Variants in IGF1R observed in about 807,000 individuals in gnomAD.
The protein encoded by IGF1R is insulin-like growth factor 1 receptor.
IGF1R carries 44 observed loss-of-function variants against 144.6 expected under a neutral mutation model. The ratio of observed to expected loss-of-function variants is 0.30; its 90% CI spans 0.24 to 0.39. IGF1R has a LOEUF of 0.39. Ranked by LOEUF, IGF1R falls within the 10% of genes least tolerant of loss-of-function variation. The pLI is 1.00. For missense variants in IGF1R, 1,355 were observed against 1,833.7 expected (o/e 0.74, Z 4.77); for synonymous variants, 795 against 722.8 (o/e 1.10, Z -1.60).
At chr15:98,701,208 A>T (rs189435698) in intron 1 of IGF1R, among the ~76,000 whole-genome samples, 78 of 152,106 alleles carry the variant, frequency 5.1e-4, no homozygotes, top group Admixed American at 2.4e-3. Flanking sequence ...GTTAAAGATG[A>T]TGATTGGTTC....
chr15:98,735,742 A>C (rs568112366), intron 2 of IGF1R, among the ~76,000 whole-genome samples: 1 of 152,256 alleles, frequency 6.6e-6, no homozygotes, highest in Non-Finnish European at 1.5e-5. Context: ...GAGCTACTTC[A>C]AAGAGCAAAC....
intron 2 of IGF1R, among the ~76,000 whole-genome samples, chr15:98,829,457 GACAA>G (rs1272010498): frequency 6.6e-6 from 1 of 152,160 alleles, no homozygotes. Flanking sequence ...GGGTTCAGAT[GACAA>G]ACAAGGAGTC....
intron 2 of IGF1R, among the ~76,000 whole-genome samples, chr15:98,758,036 C>T (rs1390582419): frequency 1.3e-5 from 2 of 152,104 alleles, no homozygotes; most frequent in African/African-American, 2.4e-5. Flanking sequence ...CAATTTCTGC[C>T]GTTCCCATGA....
chr15:98,829,883 C>T (rs1596338668), intron 2 of IGF1R, among the ~76,000 whole-genome samples: 1 of 152,280 alleles, frequency 6.6e-6, no homozygotes, highest in Admixed American at 6.5e-5. Context: ...CCTTGTTTTT[C>T]ATTGTAAAAC....
At chr15:98,836,728 A>C (rs1196392280) in intron 2 of IGF1R, among the ~76,000 whole-genome samples, 2 of 152,150 alleles carry the variant, frequency 1.3e-5, no homozygotes, top group Admixed American at 1.3e-4. Context: ...TACTATATCT[A>C]GTCTTCTCCA....
At chr15:98,679,792 G>GGA (rs1372473496) in intron 1 of IGF1R, among the ~76,000 whole-genome samples, 1 of 152,178 alleles carries the variant, frequency 6.6e-6, no homozygotes, top group African/African-American at 2.4e-5. Flanking sequence ...TGTGATCATA[G>GGA]GAGCTGATGG....
chr15:98,730,224 T>C (rs545774120), intron 2 of IGF1R, among the ~76,000 whole-genome samples: 30 of 151,862 alleles, frequency 2.0e-4, no homozygotes, highest in African/African-American at 6.8e-4. Context: ...ACTACATCTG[T>C]GATTTTCAAT....
At chr15:98,914,590 A>C (rs766139578) in intron 8 of IGF1R, among the ~76,000 whole-genome samples, 67 of 152,316 alleles carry the variant, frequency 4.4e-4, no homozygotes, top group East Asian at 1.2e-3. Flanking sequence ...AGTGCAACAG[A>C]AGAAGTTTTT....
At chr15:98,890,301 G>A in intron 2 of IGF1R, 1 of 152,218 alleles carries the variant, frequency 6.6e-6, no homozygotes, top group East Asian at 1.9e-4. Context: ...TAAAGACCTT[G>A]CTGATCTAGC....
chr15:98,796,676 A>G (rs1404485803), intron 2 of IGF1R, among the ~76,000 whole-genome samples: 6 of 152,162 alleles, frequency 3.9e-5, no homozygotes, highest in Non-Finnish European at 7.3e-5. Flanking sequence ...CTTATTTTCT[A>G]ACATATGACT....
chr15:98,741,212 T>C (rs985402784), intron 2 of IGF1R, among the ~76,000 whole-genome samples: 10 of 150,730 alleles, frequency 6.6e-5, no homozygotes, highest in Admixed American at 4.6e-4. Flanking sequence ...TCTGTTGATA[T>C]GGCTTTATAT....
intron 1 of IGF1R, among the ~76,000 whole-genome samples, chr15:98,666,677 G>A (rs1030110152): frequency 2.0e-5 from 3 of 152,190 alleles, no homozygotes; most frequent in African/African-American, 4.8e-5. Context: ...CGTGAGCTAT[G>A]TAGAGTAGTC....
At chr15:98,776,433 G>A (rs980172923) in intron 2 of IGF1R, among the ~76,000 whole-genome samples, 2 of 152,112 alleles carry the variant, frequency 1.3e-5, no homozygotes, top group African/African-American at 2.4e-5. Context: ...TGATCCACGC[G>A]CCTTGGCCTC....
At chr15:98,903,714 G>A (rs538353748) in intron 5 of IGF1R, among the ~76,000 whole-genome samples, 1 of 152,336 alleles carries the variant, frequency 6.6e-6, no homozygotes, top group South Asian at 2.1e-4. Context: ...TAAATGAAAT[G>A]TGGCACAAAG....
intron 2 of IGF1R, among the ~76,000 whole-genome samples, chr15:98,847,009 C>G (rs2141546717): frequency 6.6e-6 from 1 of 152,254 alleles, no homozygotes; most frequent in South Asian, 2.1e-4. Context: ...CAAATTCTCA[C>G]TCCCTCACCC....
chr15:98,731,328 T>C (rs2054491922), intron 2 of IGF1R, among the ~76,000 whole-genome samples: 1 of 152,246 alleles, frequency 6.6e-6, no homozygotes, highest in African/African-American at 2.4e-5. Flanking sequence ...GGCTCACTGC[T>C]TGGCTGCATT....
chr15:98,650,054 C>T (rs996864434), intron 1 of IGF1R, among the ~76,000 whole-genome samples: 18 of 151,142 alleles, frequency 1.2e-4, no homozygotes, highest in African/African-American at 4.4e-4. Context: ...GCAAGAGCCT[C>T]TCCGCACACA....
At chr15:98,833,956 T>C (rs571366297) in intron 2 of IGF1R, among the ~76,000 whole-genome samples, 1 of 152,340 alleles carries the variant, frequency 6.6e-6, no homozygotes, top group Non-Finnish European at 1.5e-5. Flanking sequence ...CGAATTACCC[T>C]TGTTGAGTAA....
At position 98,960,662 on chromosome 15, in the gene IGF1R, A is replaced by AGC. The variant is rs1427987112; in HGVS notation, c.*3221_*3222dup. The AGC allele has an allele frequency of 1.2e-4, 27 of 233,336 alleles. No individual in the cohort carries two copies. In the East Asian group the frequency reaches 1.6e-3, roughly 14 times the overall value. The allele number at this position is 233,336 out of a possible 1,614,324, so 14.5% of individuals were successfully genotyped here. A position where few individuals can be genotyped will look rare whatever the true frequency, so the allele number is the denominator to read the frequency against. On this transcript the variant is annotated 3_prime_UTR_variant, in exon 21 of 21. Transcript: ENST00000650285. Reference sequence around the variant, plus strand: ...GCGGCCATGGCTGCTGCATTCATTGAGCACAAAGGTGCAGCTGCAGCAGCA... The same window carrying AGC: ...GCGGCCATGGCTGCTGCATTCATTGAGCGCACAAAGGTGCAGCTGCAGCAGCA...
Sources: gnomAD v4.1 joint callset for allele counts (sites outside exome capture counted in the v4.1 genomes callset) on GRCh38, gnomAD v4.1.1 for gene constraint, MANE v1.5 for transcripts, NCBI Gene and HGNC (gene_info 2026-07-23, HGNC 2026-07-21) for gene names.